ROBO2: variants seen among roughly 807,000 people sequenced by gnomAD.
ROBO2 encodes the protein roundabout homolog 2.
Under a neutral mutation model 160.8 loss-of-function variants are expected in ROBO2, and 53 were observed. The ratio of observed to expected loss-of-function variants is 0.33; its 90% confidence interval spans 0.26 to 0.41. ROBO2 has a LOEUF of 0.41. Ranked by LOEUF, ROBO2 falls within the 10% of genes least tolerant of loss-of-function variation. ROBO2 has a pLI of 1.00. For missense variants in ROBO2, 1,577 were observed against 1,722.4 expected, an observed-to-expected ratio of 0.92 and a Z score of 1.49; for synonymous variants, 664 against 611.7, an observed-to-expected ratio of 1.09 and a Z score of -1.26.
At chr3:76,577,980 G>A (rs1233365926) in intron 2 of ROBO2, among the ~76,000 whole-genome samples, 1 of 151,960 alleles carries the variant, frequency 6.6e-6, no homozygotes, top group East Asian at 1.9e-4. Flanking sequence ...TTTCCATTCT[G>A]TTTTAACTTT....
chr3:76,774,959 T>C (rs1207289427), intron 2 of ROBO2, among the ~76,000 whole-genome samples: 4 of 150,584 alleles, frequency 2.7e-5, no homozygotes, highest in African/African-American at 9.7e-5. Context: ...TGAAGGAGTT[T>C]TGGGATTAAT....
chr3:77,276,085 C>A (rs931808960), intron 2 of ROBO2, among the ~76,000 whole-genome samples: 10 of 152,054 alleles, frequency 6.6e-5, no homozygotes, highest in Non-Finnish European at 1.2e-4. Context: ...AGAGAGGCTG[C>A]AAAATTTGTA....
intron 6 of ROBO2, among the ~76,000 whole-genome samples, chr3:77,541,283 TC>T (rs1324742201): frequency 6.6e-6 from 1 of 151,942 alleles, no homozygotes; most frequent in Non-Finnish European, 1.5e-5. Flanking sequence ...ACCTTTAGAG[TC>T]CCCCATCCCC....
chr3:77,435,449 T>A (rs1447583782), intron 2 of ROBO2, among the ~76,000 whole-genome samples: 7 of 152,036 alleles, frequency 4.6e-5, no homozygotes, highest in African/African-American at 1.7e-4. Context: ...TTAAAAAATT[T>A]AAATTTCTTT....
chr3:76,665,789 C>T (rs2091994905), intron 2 of ROBO2, among the ~76,000 whole-genome samples: 2 of 149,482 alleles, frequency 1.3e-5, no homozygotes, highest in Non-Finnish European at 3.0e-5. Flanking sequence ...CCAAACTTTC[C>T]AAAACACTGA....
intron 2 of ROBO2, among the ~76,000 whole-genome samples, chr3:76,293,431 A>G (rs1263401213): frequency 2.0e-5 from 3 of 152,212 alleles, no homozygotes; most frequent in African/African-American, 4.8e-5. Context: ...CTGCAGGCCC[A>G]TATGCCGGGA....
intron 2 of ROBO2, among the ~76,000 whole-genome samples, chr3:76,942,028 TAA>T (rs545898320): frequency 1.7e-3 from 266 of 152,300 alleles, no homozygotes; most frequent in African/African-American, 6.0e-3. Flanking sequence ...TAATAAATGT[TAA>T]AGTCTTCCAG....
intron 2 of ROBO2, among the ~76,000 whole-genome samples, chr3:76,759,526 G>A (rs922566480): frequency 6.6e-5 from 10 of 151,626 alleles, no homozygotes; most frequent in South Asian, 6.2e-4. Flanking sequence ...ATGGCACAAC[G>A]TCTAGCACAT....
rs139572688 is a variant in ROBO2 at position 77,429,964 on chromosome 3, C to T, written c.389-47450C>T. 1.9e-3 allele frequency among the ~76,000 whole-genome samples: 291 copies of T among 152,212 alleles called. 1 individual carries two copies. Among genetic ancestry groups the T allele is most frequent in the Admixed American group, 3.5e-3 (53 of 15,296 alleles). On this transcript the variant is annotated intron_variant, in intron 2 of 25. Coordinates refer to ENST00000461745, the Ensembl canonical transcript of ROBO2. ...AGCCCCTGGCCCACTCTGCTGTGACCATGAGGTTAGATCAGGTGAGGCTTC... is the reference window on the plus strand; with the variant it reads ...AGCCCCTGGCCCACTCTGCTGTGACTATGAGGTTAGATCAGGTGAGGCTTC...
chr3:76,296,927 T>C (rs1156563262), intron 2 of ROBO2, among the ~76,000 whole-genome samples: 1 of 152,202 alleles, frequency 6.6e-6, no homozygotes, highest in Non-Finnish European at 1.5e-5. Flanking sequence ...ATTAATTAAC[T>C]ACACATCTCT....
chr3:77,137,068 G>A (rs1004450066), intron 2 of ROBO2, among the ~76,000 whole-genome samples: 1 of 152,184 alleles, frequency 6.6e-6, no homozygotes, highest in Non-Finnish European at 1.5e-5. Context: ...GCGGGTGTGA[G>A]CCTCTGCATC....
chr3:76,251,001 C>T (rs1328109862), intron 2 of ROBO2, among the ~76,000 whole-genome samples: 1 of 152,020 alleles, frequency 6.6e-6, no homozygotes, highest in African/African-American at 2.4e-5. Context: ...ATGCTTATAA[C>T]CAGCTGCAGC....
rs552211704 is a variant in ROBO2 at position 77,505,333 on chromosome 3, C to CT, written c.806+11962dup. ...AATACAAGTGGTCATACAAGAAAAC[C>CT]TTTTTTTTTTTCAATTGGCAAATAA... On this transcript the variant is annotated intron_variant, in intron 5 of 25. Transcript: ENST00000461745. 9.6e-3 allele frequency among the ~76,000 whole-genome samples: 1,391 copies of CT among 144,592 alleles called. 17 individuals carry two copies. The highest frequency in any genetic ancestry group is 0.028 in the African/African-American group (1,098 of 39,602). 94.9% of individuals were successfully genotyped at this position (144,592 alleles called of 152,430 possible).
rs115988270 is a variant in ROBO2 at position 77,289,408 on chromosome 3, C to A, written c.389-188006C>A. 2.1e-3 allele frequency among the ~76,000 whole-genome samples: 314 copies of A among 149,596 alleles called. 1 individual carries two copies. The highest frequency in any genetic ancestry group is 7.5e-3 in the African/African-American group (303 of 40,516). On this transcript the variant is annotated intron_variant, in intron 2 of 25. Coordinates refer to ENST00000461745, the Ensembl canonical transcript of ROBO2. ...ACATAAAGTAAAATTGACGTTTAAA[C>A]GGGGACACTGAGGCTAGATCACCCC... is the stretch of plus-strand genomic sequence containing the variant.
chr3:76,429,371 G>T (rs1486579947), intron 2 of ROBO2, among the ~76,000 whole-genome samples: 1 of 152,186 alleles, frequency 6.6e-6, no homozygotes. Context: ...TGTTAGGGTT[G>T]TTATGTGGTT....
At chr3:75,996,481 A>G (rs1226565077) in intron 2 of ROBO2, among the ~76,000 whole-genome samples, 1 of 152,204 alleles carries the variant, frequency 6.6e-6, no homozygotes, top group East Asian at 1.9e-4. Context: ...TCTTTCATTT[A>G]TAAATTGCCC....
intron 2 of ROBO2, among the ~76,000 whole-genome samples, chr3:76,631,120 TAATA>T (rs1488875633): frequency 1.3e-5 from 2 of 151,154 alleles, no homozygotes; most frequent in African/African-American, 4.9e-5. Context: ...TAAGGTAAAA[TAATA>T]AATATAATTG....
At chr3:76,514,304 C>A (rs1169098936) in intron 2 of ROBO2, among the ~76,000 whole-genome samples, 3 of 152,104 alleles carry the variant, frequency 2.0e-5, no homozygotes, top group African/African-American at 4.8e-5. Flanking sequence ...CAGTCACTCT[C>A]CCCTAGGGCC....
intron 2 of ROBO2, among the ~76,000 whole-genome samples, chr3:76,272,621 C>A (rs1294548269): frequency 9.6e-6 from 1 of 104,332 alleles, no homozygotes; most frequent in Non-Finnish European, 2.3e-5. Flanking sequence ...TGAGATCATG[C>A]CAGTGCACTC....
Sources: allele counts gnomAD v4.1 joint callset (sites outside exome capture counted in the v4.1 genomes callset), GRCh38; gene constraint gnomAD v4.1.1; transcripts MANE v1.5; gene names NCBI Gene and HGNC (gene_info 2026-07-23, HGNC 2026-07-21).